Variants in SYT2 observed in about 807,000 individuals in gnomAD.
The protein encoded by SYT2 is synaptotagmin 2.
Under a neutral mutation model 39.9 loss-of-function variants are expected in SYT2, and 15 were observed. That is an observed-to-expected ratio of 0.38 (90% CI 0.25 to 0.58). SYT2 has a LOEUF of 0.58. Ranked by LOEUF, SYT2 falls within the 20% of genes least tolerant of loss-of-function variation. SYT2 has a pLI of 0.70. For synonymous variants in SYT2, 181 were observed against 204.5 expected, an observed-to-expected ratio of 0.89 and a Z score of 0.98; for missense variants, 389 against 530.3, an observed-to-expected ratio of 0.73 and a Z score of 2.62.
intron 1 of SYT2, among the ~76,000 whole-genome samples, chr1:202,624,536 GTGGA>G (rs1365050935): frequency 7.5e-6 from 1 of 132,958 alleles, no homozygotes; most frequent in Non-Finnish European, 1.6e-5. Context: ...GTAGTAGAGT[GTGGA>G]TGTGTGTGGT....
intron 1 of SYT2, chr1:202,627,537 A>T: frequency 1.0e-6 from 1 of 985,316 alleles, no homozygotes; most frequent in Non-Finnish European, 1.2e-6. Flanking sequence ...ACTGCCTTGC[A>T]GTGCTCCACT....
chr1:202,609,333 G>A (rs4950782), intron 1 of SYT2, among the ~76,000 whole-genome samples: 132,215 of 151,806 alleles, frequency 0.87, 60,357 homozygotes, highest in East Asian at 1. Flanking sequence ...GTGCCGCAAT[G>A]AACATACGTG....
At chr1:202,645,624 G>A (rs1332530851) in intron 1 of SYT2, among the ~76,000 whole-genome samples, 6 of 152,220 alleles carry the variant, frequency 3.9e-5, no homozygotes, top group African/African-American at 1.4e-4. Flanking sequence ...GCTGCCTCCA[G>A]TAAAATAAAG....
chr1:202,608,551 C>T (rs1286399260), intron 1 of SYT2, among the ~76,000 whole-genome samples: 1 of 152,204 alleles, frequency 6.6e-6, no homozygotes, highest in Non-Finnish European at 1.5e-5. Context: ...GTTGGCATTA[C>T]AGGCATGAGC....
chr1:202,696,202 C>A (rs1392161254), intron 1 of SYT2, among the ~76,000 whole-genome samples: 1 of 152,178 alleles, frequency 6.6e-6, no homozygotes, highest in Non-Finnish European at 1.5e-5. Flanking sequence ...ATTCCAGTCC[C>A]CTTTACAACC....
intron 1 of SYT2, among the ~76,000 whole-genome samples, chr1:202,654,467 A>G (rs963007249): frequency 6.6e-6 from 1 of 152,076 alleles, no homozygotes; most frequent in African/African-American, 2.4e-5. Context: ...CTGACTCCAG[A>G]CTCACTCCTG....
chr1:202,642,278 TA>T (rs1294203797), intron 1 of SYT2, among the ~76,000 whole-genome samples: 8 of 151,816 alleles, frequency 5.3e-5, no homozygotes, highest in Non-Finnish European at 1.2e-4. Flanking sequence ...TGAACTCACT[TA>T]AGAGAGGCCA....
intron 1 of SYT2, among the ~76,000 whole-genome samples, chr1:202,615,839 C>G (rs1202392807): frequency 1.3e-5 from 2 of 152,172 alleles, no homozygotes; most frequent in East Asian, 3.9e-4. Flanking sequence ...ATCAGCCCCT[C>G]TAGTCTTCTT....
chr1:202,617,722 C>T (rs1479508408), intron 1 of SYT2, among the ~76,000 whole-genome samples: 1 of 152,176 alleles, frequency 6.6e-6, no homozygotes, highest in African/African-American at 2.4e-5. Context: ...TCCCAGCTCT[C>T]CATTCTCATC....
At chr1:202,657,012 T>G (rs1031804800) in intron 1 of SYT2, among the ~76,000 whole-genome samples, 6 of 152,310 alleles carry the variant, frequency 3.9e-5, no homozygotes, top group Middle Eastern at 3.4e-3. Flanking sequence ...ATCTTTCCAC[T>G]CTTGTTCCAG....
chr1:202,599,660 G>C lies in SYT2; in HGVS notation c.920-309C>G, dbSNP rs1690427552. Among the ~76,000 whole-genome samples the C allele has an allele frequency of 6.6e-6, 1 of 152,152 alleles. No homozygotes were observed. The highest frequency in any genetic ancestry group is 1.5e-5 in the Non-Finnish European group (1 of 68,018). ...GTGATCCTGTACTGGGGAGTGGGTG[G>C]GGAGTGCTGAAGTCAGGACACACAT... is the stretch of plus-strand genomic sequence containing the variant. On this transcript the variant is annotated intron_variant, in intron 7 of 8. Coordinates refer to ENST00000367268, the MANE Select transcript of SYT2 (RefSeq NM_177402.5). This position sits in a 1 kb window ranked among gnomAD's most constrained non-coding sequence, Gnocchi z 4.4.
intron 1 of SYT2, among the ~76,000 whole-genome samples, chr1:202,701,738 T>C (rs1654128116): frequency 6.6e-6 from 1 of 152,186 alleles, no homozygotes; most frequent in Non-Finnish European, 1.5e-5. Flanking sequence ...GGAAACTGCT[T>C]TGACCTTATG....
intron 1 of SYT2, among the ~76,000 whole-genome samples, chr1:202,635,029 G>A (rs563748855): frequency 2.6e-5 from 4 of 152,240 alleles, no homozygotes; most frequent in East Asian, 1.9e-4. Flanking sequence ...GAATTGTATC[G>A]TATGTGAATT....
intron 1 of SYT2, among the ~76,000 whole-genome samples, chr1:202,682,346 C>T (rs1653547095): frequency 6.6e-6 from 1 of 152,150 alleles, no homozygotes; most frequent in African/African-American, 2.4e-5. Context: ...ACAGAGGTAC[C>T]ATCTACGTGG....
At chr1:202,635,161 A>G (rs1463463554) in intron 1 of SYT2, among the ~76,000 whole-genome samples, 5 of 152,226 alleles carry the variant, frequency 3.3e-5, no homozygotes, top group Non-Finnish European at 5.9e-5. Flanking sequence ...CAACTTGCCC[A>G]AAGTCCCATG....
chr1:202,687,200 T>G (rs1242105625), intron 1 of SYT2, among the ~76,000 whole-genome samples: 1 of 152,104 alleles, frequency 6.6e-6, no homozygotes, highest in Admixed American at 6.5e-5. Flanking sequence ...CACTGAGGTG[T>G]GTGTCCAGTT....
chr1:202,708,282 G>A (rs1435619583), intron 1 of SYT2, among the ~76,000 whole-genome samples: 4 of 152,000 alleles, frequency 2.6e-5, no homozygotes, highest in African/African-American at 9.7e-5. Context: ...CTGGACTGCA[G>A]AACAAAGCAG....
At chr1:202,609,967 T>G (rs1364039330) in intron 1 of SYT2, among the ~76,000 whole-genome samples, 3 of 152,254 alleles carry the variant, frequency 2.0e-5, no homozygotes, top group Admixed American at 6.5e-5. Context: ...TGCCCATGCC[T>G]GTGTCCTGAA....
intron 1 of SYT2, among the ~76,000 whole-genome samples, chr1:202,607,505 T>C (rs2149073833): frequency 6.6e-6 from 1 of 152,304 alleles, no homozygotes; most frequent in East Asian, 1.9e-4. Context: ...AGACTCAGGG[T>C]TCTTCTGAAG....
Sources: gnomAD v4.1 joint callset for allele counts (sites outside exome capture counted in the v4.1 genomes callset) on GRCh38, gnomAD v4.1.1 for gene constraint, Gnocchi (gnomAD v3.1) non-coding constraint, MANE v1.5 for transcripts, NCBI Gene and HGNC (gene_info 2026-07-23, HGNC 2026-07-21) for gene names.